The following PEX7 variants were observed in gnomAD, a reference collection of about 807,000 sequenced individuals.
The protein encoded by PEX7 is PTS2 receptor.
In PEX7, 34 loss-of-function variants were observed where a neutral mutation model predicts 47.5. The observed-to-expected ratio is 0.72, with a 90% CI of 0.54 to 0.95. The LOEUF (loss-of-function observed/expected upper bound fraction) is 0.95, where lower values mean the gene tolerates loss of function less well. Ranked by LOEUF, PEX7 falls within the 40% of genes least tolerant of loss-of-function variation. The pLI is 0.00. For synonymous variants in PEX7, 141 were observed against 148.8 expected (o/e 0.95, Z 0.38); for missense variants, 394 against 400.3 (o/e 0.98, Z 0.13).
Position 136,913,554 on chromosome 6 carries a change from G to A in PEX7, c.*28G>A, listed in dbSNP as rs1008257406. The A allele has an allele frequency of 9.6e-6, 14 of 1,451,962 alleles. No homozygotes were observed. The highest frequency in any genetic ancestry group is 1.4e-5 in the Non-Finnish European group (14 of 1,033,072). The allele number at this position is 1,451,962 out of a possible 1,614,324, so 89.9% of individuals were successfully genotyped here. A position where few individuals can be genotyped will look rare whatever the true frequency, so the allele number is the denominator to read the frequency against. ...TACACTACTTTGGTCAGAAACAGAG[G>A]ATGTTGGCTGAAGAACTGCCTAACA... is the stretch of plus-strand genomic sequence containing the variant. On this transcript the variant is annotated 3_prime_UTR_variant, in exon 10 of 10. Transcript: ENST00000318471.
chr6:136,826,313 G>A lies in PEX7; in HGVS notation c.189-6G>A. On this transcript the variant is annotated splice_polypyrimidine_tract_variant and splice_region_variant and intron_variant, in intron 2 of 9. Coordinates refer to ENST00000318471, the MANE Select transcript of PEX7 (RefSeq NM_000288.4). ...TTTTTTTGTTGTTTGTTTTTTCCTA[G>A]TGTAGCTTTGACTGGAATGATGGTT... The A allele has an allele frequency of 6.2e-7, 1 of 1,613,810 alleles. No individual in the cohort carries two copies. Among genetic ancestry groups the A allele is most frequent in the Admixed American group, 1.7e-5 (1 of 59,966 alleles).
chr6:136,862,911 G>T lies in PEX7; in HGVS notation c.527-3716G>T, dbSNP rs1183613274. On this transcript the variant is annotated intron_variant, in intron 5 of 9. Coordinates refer to ENST00000318471, the MANE Select transcript of PEX7 (RefSeq NM_000288.4). Reference sequence around the variant, plus strand: ...AGGACATGCTGTTCCTAGAAAAAGGGTATTTCTGGGCAGGCCAAACACTGG... The same window carrying T: ...AGGACATGCTGTTCCTAGAAAAAGGTTATTTCTGGGCAGGCCAAACACTGG... Among the ~76,000 whole-genome samples the T allele has an allele frequency of 2.0e-5, 3 of 152,236 alleles. No individual in the cohort carries two copies. In the East Asian group the frequency reaches 5.8e-4, roughly 29 times the overall value.
rs1371748058 is a variant in PEX7 at position 136,900,561 on chromosome 6, C to G, written c.903+2320C>G. ...AAGCCCTTTTGTCTTCCGAGTTAAT[C>G]TGTGTGAAGGTGATGGTGGTGTGGG... is the stretch of plus-strand genomic sequence containing the variant. On this transcript the variant is annotated intron_variant, in intron 9 of 9. Coordinates refer to ENST00000318471, the MANE Select transcript of PEX7 (RefSeq NM_000288.4). This position sits in a 1 kb window ranked among gnomAD's most constrained non-coding sequence, Gnocchi z 4.2. 4.6e-6 allele frequency: 2 copies of G among 432,216 alleles called. No individual in the cohort carries two copies. Among genetic ancestry groups the G allele is most frequent in the African/African-American group, 4.1e-5 (2 of 49,264 alleles). 26.8% of individuals were successfully genotyped at this position (432,216 alleles called of 1,614,324 possible). A position where few individuals can be genotyped will look rare whatever the true frequency, so the allele number is the denominator to read the frequency against.
intron 1 of PEX7, among the ~76,000 whole-genome samples, chr6:136,823,892 A>G (rs375399936): frequency 1.8e-4 from 28 of 152,302 alleles, no homozygotes; most frequent in African/African-American, 6.5e-4. Flanking sequence ...CTCCGTCTCA[A>G]AAAAAAGAGT....
At position 136,877,075 on chromosome 6, in the gene PEX7, T is replaced by A. The variant is rs142293604; in HGVS notation, c.803+4822T>A. 3.8e-3 allele frequency among the ~76,000 whole-genome samples: 583 copies of A among 152,364 alleles called. 10 individuals carry two copies. The East Asian group carries it at 0.052, about 14-fold the overall frequency. ...ATCTCATTGTGGTTTTGATTTGCAT[T>A]TCTCTAATGACTGGTGATGATGAGC... On this transcript the variant is annotated intron_variant, in intron 8 of 9. Coordinates refer to ENST00000318471, the MANE Select transcript of PEX7 (RefSeq NM_000288.4).
intron 8 of PEX7, among the ~76,000 whole-genome samples, chr6:136,894,473 C>T (rs1011553503): frequency 9.9e-5 from 15 of 152,164 alleles, no homozygotes; most frequent in Admixed American, 4.6e-4. Context: ...GCCTGTAATT[C>T]CAGCTACTCA....
chr6:136,860,409 CTT>C (rs386408726), intron 5 of PEX7, among the ~76,000 whole-genome samples: 10 of 113,932 alleles, frequency 8.8e-5, no homozygotes, highest in Middle Eastern at 4.7e-3. Flanking sequence ...AGCCATGGCT[CTT>C]TTTTTTTTTT....
intron 8 of PEX7, among the ~76,000 whole-genome samples, chr6:136,880,715 T>C (rs1428128650): frequency 6.6e-6 from 1 of 152,256 alleles, no homozygotes; most frequent in African/African-American, 2.4e-5. Flanking sequence ...CTCTCCTCTC[T>C]CCTCACTTCT....
intron 5 of PEX7, 80 bp downstream of exon 5, chr6:136,846,261 C>A: frequency 1.4e-6 from 1 of 723,122 alleles, no homozygotes. Flanking sequence ...GCGCTGTGTA[C>A]CTTAGCTTCA....
chr6:136,909,881 T>C (rs1361258669), intron 9 of PEX7, among the ~76,000 whole-genome samples: 2 of 152,186 alleles, frequency 1.3e-5, no homozygotes, highest in Non-Finnish European at 2.9e-5. Context: ...TATAGATACC[T>C]TGCACTAGAA....
intron 1 of PEX7, chr6:136,823,112 G>C: frequency 2.0e-6 from 2 of 985,450 alleles, no homozygotes; most frequent in Non-Finnish European, 2.4e-6. Context: ...CCCGTAGGGA[G>C]AGCCGGGGGA....
chr6:136,903,322 TTTTC>T (rs939864126), intron 9 of PEX7, among the ~76,000 whole-genome samples: 1 of 148,778 alleles, frequency 6.7e-6, no homozygotes, highest in Non-Finnish European at 1.5e-5. Flanking sequence ...GTAAACAATC[TTTTC>T]TTTCTTTCTC....
chr6:136,866,881 G>T (rs1775081818), intron 6 of PEX7, 148 bp downstream of exon 6: 1 of 718,310 alleles, frequency 1.4e-6, no homozygotes, highest in South Asian at 1.6e-5. Flanking sequence ...TAATGATTGT[G>T]ACTGACCTGC....
chr6:136,822,773 C>T lies in PEX7; in HGVS notation c.108C>T (p.Thr36=). 6.9e-7 allele frequency: 1 copy of T among 1,446,860 alleles called. No individual in the cohort carries two copies. The highest frequency in any genetic ancestry group is 9.0e-7 in the Non-Finnish European group (1 of 1,105,658). The allele number at this position is 1,446,860 out of a possible 1,614,324, so 89.6% of individuals were successfully genotyped here. The change falls in exon 1 of 10, where the codon ACC becomes ACT. Residue 36 remains threonine, a synonymous_variant. Coordinates refer to ENST00000318471, the MANE Select transcript of PEX7 (RefSeq NM_000288.4). ...PYLPGRLACA[T]AQHYGIAGCG... ...TGCCGGGCCGCCTGGCCTGCGCCAC[C>T]GCGCAGCACTACGGCATCGCGGGTG...
chr6:136,854,602 C>T lies in PEX7; in HGVS notation c.526+8421C>T, dbSNP rs962509258. On this transcript the variant is annotated intron_variant, in intron 5 of 9. Transcript: ENST00000318471. ...TACTGTTACCATTTTGTAATTTTAC[C>T]GTTGGTGAAAGATTCTACCACAGAG... Among the ~76,000 whole-genome samples the T allele has an allele frequency of 6.9e-4, 105 of 152,072 alleles. 2 individuals carry two copies. The highest frequency in any genetic ancestry group is 2.1e-3 in the African/African-American group (89 of 41,470).
chr6:136,883,124 A>C (rs1166284170), intron 8 of PEX7, among the ~76,000 whole-genome samples: 1 of 152,224 alleles, frequency 6.6e-6, no homozygotes, highest in East Asian at 1.9e-4. Context: ...ATGTGAAGTA[A>C]AAAAGAAACA....
chr6:136,866,360 CTG>C (rs1291703394), intron 5 of PEX7, among the ~76,000 whole-genome samples: 1 of 152,136 alleles, frequency 6.6e-6, no homozygotes. Flanking sequence ...CACACACCAG[CTG>C]TGTGTTTAGT....
chr6:136,898,555 G>A (rs972042445), intron 9 of PEX7, among the ~76,000 whole-genome samples: 10 of 152,112 alleles, frequency 6.6e-5, no homozygotes, highest in African/African-American at 2.2e-4. Context: ...TTGTCGCCAC[G>A]GGTTGGCAGG....
chr6:136,904,383 C>T (rs1306299074), intron 9 of PEX7, among the ~76,000 whole-genome samples: 1 of 152,144 alleles, frequency 6.6e-6, no homozygotes, highest in African/African-American at 2.4e-5. Flanking sequence ...TCAGTGTGCT[C>T]CTTAGATGGA....
Sources: gnomAD v4.1 joint callset for allele counts (sites outside exome capture counted in the v4.1 genomes callset) on GRCh38, gnomAD v4.1.1 for gene constraint, Gnocchi (gnomAD v3.1) non-coding constraint, MANE v1.5 for transcripts, NCBI Gene and HGNC (gene_info 2026-07-23, HGNC 2026-07-21) for gene names.